CLTCL1: variants seen among roughly 807,000 people sequenced by gnomAD.
The protein encoded by CLTCL1 is clathrin heavy chain 2.
A neutral mutation model predicts 190.0 loss-of-function variants in CLTCL1; 159 were observed. The ratio of observed to expected loss-of-function variants is 0.84; its 90% CI spans 0.74 to 0.95. The LOEUF (loss-of-function observed/expected upper bound fraction) is 0.95, where lower values mean the gene tolerates loss of function less well. CLTCL1 is among the 40% of genes least tolerant of loss of function. The probability of loss-of-function intolerance (pLI) is 0.00; values close to 1 mark genes in which losing one functional copy is unlikely to be tolerated. For missense variants in CLTCL1, 1,878 were observed against 2,033.4 expected (o/e 0.92, Z 1.47); for synonymous variants, 752 against 769.6 (o/e 0.98, Z 0.38).
At chr22:19,254,455 A>G (rs782215953) in intron 2 of CLTCL1, among the ~76,000 whole-genome samples, 6 of 152,240 alleles carry the variant, frequency 3.9e-5, no homozygotes, top group Non-Finnish European at 8.8e-5. Context: ...ATGTAAAAGT[A>G]TGTAACTATT....
chr22:19,217,768 A>G (rs1401002309), intron 18 of CLTCL1, among the ~76,000 whole-genome samples: 4 of 151,744 alleles, frequency 2.6e-5, no homozygotes, highest in Admixed American at 6.6e-5. Context: ...GAATCACTTG[A>G]ACCTGGGAAG....
intron 13 of CLTCL1, 122 bp downstream of exon 13, chr22:19,225,331 G>A: frequency 9.8e-7 from 1 of 1,024,614 alleles, no homozygotes. Context: ...ACCCAAGGCA[G>A]CCAGTGCTGC....
At chr22:19,255,793 C>T (rs1337823653) in intron 2 of CLTCL1, among the ~76,000 whole-genome samples, 1 of 151,264 alleles carries the variant, frequency 6.6e-6, no homozygotes, top group East Asian at 1.9e-4. Flanking sequence ...TCCTGTAATC[C>T]CAGCTACTCG....
intron 4 of CLTCL1, among the ~76,000 whole-genome samples, chr22:19,239,751 A>G (rs1207180062): frequency 6.6e-6 from 1 of 152,140 alleles, no homozygotes; most frequent in East Asian, 1.9e-4. Flanking sequence ...GCCCAGACTC[A>G]TACAAGCCTG....
chr22:19,252,636 A>G (rs1212372223), intron 3 of CLTCL1, among the ~76,000 whole-genome samples: 2 of 152,220 alleles, frequency 1.3e-5, no homozygotes, highest in Non-Finnish European at 2.9e-5. Flanking sequence ...TTCACTGGTC[A>G]TCAGGATTGA....
intron 13 of CLTCL1, among the ~76,000 whole-genome samples, chr22:19,224,383 G>T (rs2085673475): frequency 1.3e-5 from 2 of 152,104 alleles, no homozygotes; most frequent in African/African-American, 4.8e-5. Context: ...ATGGTGGTGG[G>T]ACTGCTTCTC....
At chr22:19,229,518 T>C (rs1206550) in intron 11 of CLTCL1, among the ~76,000 whole-genome samples, 9,410 of 152,254 alleles carry the variant, frequency 0.062, 350 homozygotes, top group Middle Eastern at 0.16. Flanking sequence ...CTGCATAGCA[T>C]TGTGAATGTT....
chr22:19,271,173 A>G (rs1202208746), intron 2 of CLTCL1, among the ~76,000 whole-genome samples: 1 of 152,130 alleles, frequency 6.6e-6, no homozygotes, highest in African/African-American at 2.4e-5. Context: ...ATTAAGAGAA[A>G]AAAGGTAAAG....
At chr22:19,213,315 C>T (rs781827775) in intron 19 of CLTCL1, among the ~76,000 whole-genome samples, 2 of 152,134 alleles carry the variant, frequency 1.3e-5, no homozygotes, top group African/African-American at 2.4e-5. Flanking sequence ...AAAAAAATAC[C>T]AATATACCAA....
intron 19 of CLTCL1, among the ~76,000 whole-genome samples, chr22:19,214,053 A>G (rs939696243): frequency 1.1e-4 from 16 of 152,130 alleles, no homozygotes; most frequent in Admixed American, 9.2e-4. Context: ...CTACTTATTG[A>G]TGGTTATCTG....
chr22:19,192,946 C>A (rs2084562783), intron 26 of CLTCL1, among the ~76,000 whole-genome samples: 1 of 152,218 alleles, frequency 6.6e-6, no homozygotes, highest in South Asian at 2.1e-4. Flanking sequence ...AGGGCCAGGA[C>A]ATGGGGGCCT....
Position 19,211,438 on chromosome 22 carries a change from T to C in CLTCL1, c.3066-929A>G, listed in dbSNP as rs12159363. 2.6e-5 allele frequency among the ~76,000 whole-genome samples: 4 copies of C among 152,184 alleles called. 1 individual carries two copies. The highest frequency in any genetic ancestry group is 9.6e-5 in the African/African-American group (4 of 41,538). On this transcript the variant is annotated intron_variant, in intron 19 of 32. Coordinates refer to ENST00000427926, the MANE Select transcript of CLTCL1 (RefSeq NM_007098.4). ...AAAGAAACAAAAAGTTTCTTTTCTATAATGAATCGCAAAGAAAGCACAGGC... is the reference window on the plus strand; with the variant it reads ...AAAGAAACAAAAAGTTTCTTTTCTACAATGAATCGCAAAGAAAGCACAGGC...
At chr22:19,279,094 GAAT>G in intron 1 of CLTCL1, among the ~76,000 whole-genome samples, 1 of 152,072 alleles carries the variant, frequency 6.6e-6, no homozygotes, top group African/African-American at 2.4e-5. Flanking sequence ...CTGAAAAATA[GAAT>G]AATATAAATG....
Position 19,233,585 on chromosome 22 carries a change from T to C in CLTCL1, c.1205A>G (p.Gln402Arg). Residue 402 changes from glutamine to arginine, a missense_variant, in exon 8 of 33, where the codon CAG becomes CGG. Transcript: ENST00000427926. ...CTGGCCAGACTGAGCGGGTATACTC[T>C]GGAATTTCTGGACCGTCTCTCTGGT... The part of the protein sequence containing the change: ...LRTRETVQKF[Q>R]SIPAQSGQAS... 2.5e-6 allele frequency: 4 copies of C among 1,613,658 alleles called. No individual in the cohort carries two copies. Among genetic ancestry groups the C allele is most frequent in the South Asian group, 2.2e-5 (2 of 91,066 alleles).
intron 1 of CLTCL1, among the ~76,000 whole-genome samples, chr22:19,277,091 T>C (rs1287882873): frequency 6.6e-6 from 1 of 152,204 alleles, no homozygotes; most frequent in African/African-American, 2.4e-5. Context: ...ACAAAGATCA[T>C]GGACCGCTGC....
chr22:19,272,683 C>T (rs2087361331), intron 2 of CLTCL1, among the ~76,000 whole-genome samples: 1 of 152,122 alleles, frequency 6.6e-6, no homozygotes, highest in Non-Finnish European at 1.5e-5. Flanking sequence ...GTTCGTCAGG[C>T]TGGTCTCGAA....
At chr22:19,219,336 T>G (rs550692818) in intron 18 of CLTCL1, among the ~76,000 whole-genome samples, 122 of 151,442 alleles carry the variant, frequency 8.1e-4, no homozygotes, top group African/African-American at 2.9e-3. Context: ...ATTACAAGCA[T>G]GCGCCACACA....
At chr22:19,228,727 A>T (rs1555957343) in intron 11 of CLTCL1, among the ~76,000 whole-genome samples, 1 of 152,236 alleles carries the variant, frequency 6.6e-6, no homozygotes, top group African/African-American at 2.4e-5. Context: ...TTATCCACTT[A>T]GTACCGTGGT....
At chr22:19,277,246 GACA>G (rs1172027810) in intron 1 of CLTCL1, among the ~76,000 whole-genome samples, 3 of 152,146 alleles carry the variant, frequency 2.0e-5, no homozygotes, top group Non-Finnish European at 2.9e-5. Context: ...CAGGCTACAG[GACA>G]ACAAGTCACC....
Sources: gnomAD v4.1 joint callset for allele counts (sites outside exome capture counted in the v4.1 genomes callset) on GRCh38, gnomAD v4.1.1 for gene constraint, MANE v1.5 for transcripts, NCBI Gene and HGNC (gene_info 2026-07-23, HGNC 2026-07-21) for gene names.